Variants in PPFIA3 observed in about 807,000 individuals in gnomAD.
The protein encoded by PPFIA3 is liprin-alpha-3.
PPFIA3 carries 26 observed loss-of-function variants against 145.8 expected under a neutral mutation model. The ratio of observed to expected loss-of-function variants is 0.18; its 90% confidence interval spans 0.13 to 0.25. PPFIA3 has a LOEUF of 0.25. Among genes scored for constraint, PPFIA3 ranks in the 10% least tolerant of loss-of-function variants. The pLI is 1.00. For synonymous variants in PPFIA3, 645 were observed against 661.4 expected, an observed-to-expected ratio of 0.98 and a Z score of 0.38; for missense variants, 1,008 against 1,587.8, an observed-to-expected ratio of 0.63 and a Z score of 6.21.
intron 16 of PPFIA3, 130 bp from the exon 17 acceptor site, chr19:49,139,538 A>T (rs558436954): frequency 1.2e-6 from 1 of 836,284 alleles, no homozygotes; most frequent in Non-Finnish European, 1.7e-6. Context: ...GACTTGAGCT[A>T]GACTACCTTC....
At chr19:49,140,512 C>A (rs769156181) in intron 18 of PPFIA3, among the ~76,000 whole-genome samples, 8 of 151,370 alleles carry the variant, frequency 5.3e-5, no homozygotes, top group Non-Finnish European at 1.2e-4. Context: ...CTATGCCTGG[C>A]TAATTTTTTT....
At position 49,129,031 on chromosome 19, in the gene PPFIA3, C is replaced by A; in HGVS notation, c.507+19C>A. On this transcript the variant is annotated intron_variant, in intron 4 of 29. Coordinates refer to ENST00000334186, the MANE Select transcript of PPFIA3 (RefSeq NM_003660.4). ...TGAGAAGGTATGAGAATTAGAAGAG[C>A]AGGGGTGGAGAATGGAAACCTATAG... is the stretch of plus-strand genomic sequence containing the variant. 6.4e-7 allele frequency: 1 copy of A among 1,566,760 alleles called. No individual in the cohort carries two copies.
chr19:49,141,717 G>C (rs1053316812), intron 19 of PPFIA3, among the ~76,000 whole-genome samples: 1 of 151,786 alleles, frequency 6.6e-6, no homozygotes, highest in African/African-American at 2.4e-5. Context: ...TTGCTTGCCT[G>C]GAAACCCAGG....
rs369646723 is a variant in PPFIA3, at chr19:49,145,928, C to T, written c.2746-15C>T. 5 of 1,613,220 alleles carry T rather than the reference C, an allele frequency of 3.1e-6. No homozygotes were observed. The African/African-American group carries it at 5.3e-5, about 17-fold the overall frequency. On this transcript the variant is annotated splice_polypyrimidine_tract_variant and intron_variant, in intron 21 of 29. Coordinates refer to ENST00000334186, the MANE Select transcript of PPFIA3 (RefSeq NM_003660.4). ...AGCCCTCTCCCACCATCCATTAACACTCCCTGCCCCTCAGTCCACAGGAAA... is the reference window on the plus strand; with the variant it reads ...AGCCCTCTCCCACCATCCATTAACATTCCCTGCCCCTCAGTCCACAGGAAA...
rs79454633 is a variant in PPFIA3 at position 49,138,322 on chromosome 19, C to T, written c.1971C>T (p.Pro657=). The change falls in exon 16 of 30, where the codon CCC becomes CCT. Residue 657 remains proline (P), a synonymous_variant. Transcript: ENST00000334186. The part of the protein sequence containing the change: ...GRYRSSCSLP[P]SLTTSTLASP... ...ACCGCAGCAGCTGCTCCCTGCCCCC[C>T]TCCCTCACCACCTCTACCCTTGCCA... 574 of 1,612,982 alleles carry T rather than the reference C, an allele frequency of 3.6e-4. 4 individuals are homozygous for T. The African/African-American group carries it at 6.4e-3, about 18-fold the overall frequency.
chr19:49,148,498 T>TG, intron 24 of PPFIA3, 168 bp from the exon 25 acceptor site: 1 of 710,172 alleles, frequency 1.4e-6, no homozygotes, highest in East Asian at 2.7e-5. Flanking sequence ...CAGTAGGAAG[T>TG]GCCTATTATT....
chr19:49,127,766 A>G (rs965165874), intron 1 of PPFIA3, 93 bp from the exon 2 acceptor site: 184 of 1,463,336 alleles, frequency 1.3e-4, no homozygotes, highest in Non-Finnish European at 1.5e-4. Context: ...GCCCCCAACT[A>G]TTTCCCCTAC....
chr19:49,146,306 G>C (rs543574383), intron 23 of PPFIA3, 114 bp downstream of exon 23: 47 of 1,342,580 alleles, frequency 3.5e-5, no homozygotes, highest in Admixed American at 8.7e-5. Context: ...ATCCCCATGG[G>C]GGGGCGCTGC....
In PPFIA3 at chr19:49,139,702, G is replaced by A. The variant is rs369188041; in HGVS notation, c.2111G>A (p.Arg704Gln). Residue 704 changes from arginine to glutamine, a missense_variant, in exon 17 of 30, where the codon CGA (arginine) becomes CAA (glutamine). Coordinates refer to ENST00000334186, the MANE Select transcript of PPFIA3 (RefSeq NM_003660.4). ...HVPKEEAGAP[R>Q]GEGPAIPGDT... ...CCTAAGGAGGAAGCTGGAGCTCCACGAGGGGAGGGGCCGGCCATCCCAGGA... is the reference window on the plus strand; with the variant it reads ...CCTAAGGAGGAAGCTGGAGCTCCACAAGGGGAGGGGCCGGCCATCCCAGGA... 13 of 1,610,890 alleles carry A rather than the reference G, an allele frequency of 8.1e-6. No individual in the cohort carries two copies. Among genetic ancestry groups the A allele is most frequent in the East Asian group, 4.5e-5 (2 of 44,834 alleles).
At chr19:49,145,838 G>A in intron 21 of PPFIA3, 105 bp from the exon 22 acceptor site, 1 of 955,404 alleles carries the variant, frequency 1.0e-6, no homozygotes, top group South Asian at 1.3e-5. Flanking sequence ...CCAGAAAGCA[G>A]GAGGGACATA....
In PPFIA3 at chr19:49,128,474, G is replaced by T. The variant is rs1192155922; in HGVS notation, c.342+6G>T. The T allele has an allele frequency of 6.2e-7, 1 of 1,612,168 alleles. No homozygotes were observed. On this transcript the variant is annotated splice_donor_region_variant and intron_variant, in intron 3 of 29. Transcript: ENST00000334186. This position sits in a 1 kb window ranked among gnomAD's most constrained non-coding sequence, Gnocchi z 4.1. ...CGGAACGGAACAACACGCGGGTGAG[G>T]GGTGTTGAGGGCGGGGCCTAAGTGG...
In PPFIA3 at chr19:49,142,956, G is replaced by A; in HGVS notation, c.2697G>A (p.Gln899=). The change falls in exon 21 of 30, where the codon CAG becomes CAA. Residue 899 remains glutamine (Q), a synonymous_variant. Transcript: ENST00000334186. ...GACTCAAGCTACGCCTCGCCATCCA[G>A]GAGATGGTCTCGCTCACCTCGCCCT... The part of the protein sequence containing the change: ...LHRLKLRLAI[Q]EMVSLTSPSA... 1 of 1,612,900 alleles carries A rather than the reference G, an allele frequency of 6.2e-7. No individual in the cohort carries two copies.
chr19:49,144,970 G>A (rs1171451139), intron 21 of PPFIA3, among the ~76,000 whole-genome samples: 3 of 136,290 alleles, frequency 2.2e-5, no homozygotes, highest in South Asian at 2.3e-4. Context: ...TCACTCTGTC[G>A]CCCAGGCTGG....
At chr19:49,122,292 A>G (rs1197692531) in intron 1 of PPFIA3, among the ~76,000 whole-genome samples, 3 of 152,052 alleles carry the variant, frequency 2.0e-5, no homozygotes, top group East Asian at 3.9e-4. Flanking sequence ...CATGTTGGTC[A>G]GACTAGTCTC....
Position 49,136,873 on chromosome 19 carries a change from G to T in PPFIA3, c.1815G>T (p.Met605Ile). 1 of 1,574,956 alleles carries T rather than the reference G, an allele frequency of 6.3e-7. No homozygotes were observed. The highest frequency in any genetic ancestry group is 2.3e-5 in the East Asian group (1 of 43,404). ...CTGACGTGCAGACGCTGGCCATCATGCTTCAGGAGCAGCTGGAGGCCATCA... is the reference window on the plus strand; with the variant it reads ...CTGACGTGCAGACGCTGGCCATCATTCTTCAGGAGCAGCTGGAGGCCATCA... Reference protein sequence around the residue: ...GQADVQTLAIMLQEQLEAINK... With the variant: ...GQADVQTLAIILQEQLEAINK... The change falls in exon 15 of 30, where the codon ATG (methionine) becomes ATT (isoleucine). Residue 605 changes from methionine to isoleucine, a missense_variant. By Grantham distance (10) the Met-to-Ile change is conservative (BLOSUM62 1). Transcript: ENST00000334186.
At chr19:49,121,879 C>G (rs946126224) in intron 1 of PPFIA3, among the ~76,000 whole-genome samples, 1 of 151,398 alleles carries the variant, frequency 6.6e-6, no homozygotes, top group Non-Finnish European at 1.5e-5. Context: ...TCAAGGGATC[C>G]TTCTCTGTTG....
At chr19:49,127,411 A>G (rs1464516820) in intron 1 of PPFIA3, among the ~76,000 whole-genome samples, 1 of 146,912 alleles carries the variant, frequency 6.8e-6, no homozygotes, top group Non-Finnish European at 1.5e-5. Flanking sequence ...AAAAAAAGAA[A>G]GTAGGGAAAG....
Position 49,135,774 on chromosome 19 carries a change from C to T in PPFIA3, c.1521-5C>T. On this transcript the variant is annotated splice_polypyrimidine_tract_variant and splice_region_variant and intron_variant, in intron 13 of 29. Coordinates refer to ENST00000334186, the MANE Select transcript of PPFIA3 (RefSeq NM_003660.4). ...GGTCTCTGACTGCTTTCCTCATGCC[C>T]ACAGGTCTCTCCCTGGCAGTGCCCT... 1.2e-6 allele frequency: 2 copies of T among 1,605,980 alleles called. No individual in the cohort carries two copies. The highest frequency in any genetic ancestry group is 1.7e-6 in the Non-Finnish European group (2 of 1,175,896).
chr19:49,124,010 G>A (rs1229123031), intron 1 of PPFIA3, among the ~76,000 whole-genome samples: 2 of 152,006 alleles, frequency 1.3e-5, no homozygotes, highest in East Asian at 3.9e-4. Context: ...GCCAGCCTCA[G>A]TCTTTATTCC....
Sources: allele counts gnomAD v4.1 joint callset (sites outside exome capture counted in the v4.1 genomes callset), GRCh38; gene constraint gnomAD v4.1.1; non-coding constraint Gnocchi (gnomAD v3.1); transcripts MANE v1.5; gene names NCBI Gene and HGNC (gene_info 2026-07-23, HGNC 2026-07-21).